SMYD2: variants seen among roughly 807,000 people sequenced by gnomAD.
SMYD2 encodes the protein N-lysine methyltransferase SMYD2.
In SMYD2, 53 loss-of-function variants were observed where a neutral mutation model predicts 59.1. The observed-to-expected ratio is 0.90, with a 90% CI of 0.72 to 1.13. The LOEUF (loss-of-function observed/expected upper bound fraction) is 1.13, where lower values mean the gene tolerates loss of function less well. Among genes scored for constraint, SMYD2 ranks in the 50% most tolerant of loss-of-function variants. The pLI is 0.00. For synonymous variants in SMYD2, 208 were observed against 198.8 expected (o/e 1.05, Z -0.39); for missense variants, 494 against 544.7 (o/e 0.91, Z 0.93).
chr1:214,288,521 G>A (rs577064333), intron 1 of SMYD2, among the ~76,000 whole-genome samples: 164 of 152,284 alleles, frequency 1.1e-3, no homozygotes, highest in Middle Eastern at 3.4e-3. Context: ...CATTACTACT[G>A]TGTGGTTCCC....
chr1:214,329,746 C>T (rs1346486774), intron 7 of SMYD2, among the ~76,000 whole-genome samples: 1 of 152,198 alleles, frequency 6.6e-6, no homozygotes, highest in Non-Finnish European at 1.5e-5. Flanking sequence ...TGTGCGTGCT[C>T]ATGCCCTCCC....
At chr1:214,327,910 C>T (rs1657289204) in intron 7 of SMYD2, among the ~76,000 whole-genome samples, 186 bp downstream of exon 7, 3 of 152,146 alleles carry the variant, frequency 2.0e-5, no homozygotes, top group Admixed American at 2.0e-4. Context: ...GTTTAGATTC[C>T]CACACTTTGG....
At position 214,286,207 on chromosome 1, in the gene SMYD2, C is replaced by T. The variant is rs77724340; in HGVS notation, c.173+4780C>T. Among the ~76,000 whole-genome samples, 443 of 152,260 alleles carry T rather than the reference C, an allele frequency of 2.9e-3. 1 individual carries two copies. The highest frequency in any genetic ancestry group is 8.8e-3 in the African/African-American group (366 of 41,550). On this transcript the variant is annotated intron_variant, in intron 1 of 11. Transcript: ENST00000366957. ...AAAATGTGCGTACTAATGCCAGTGC[C>T]GTTAATCCCAGGACTTGGTAGGCTG...
At chr1:214,301,985 C>T (rs770368324) in intron 1 of SMYD2, among the ~76,000 whole-genome samples, 3 of 152,132 alleles carry the variant, frequency 2.0e-5, no homozygotes, top group Non-Finnish European at 4.4e-5. Flanking sequence ...TTCATTACTG[C>T]GTCGTCAGGG....
chr1:214,301,822 C>T lies in SMYD2; in HGVS notation c.174-3365C>T, dbSNP rs377063874. 2.0e-4 allele frequency among the ~76,000 whole-genome samples: 29 copies of T among 148,410 alleles called. No homozygotes were observed. In the South Asian group the frequency reaches 6.1e-3, roughly 31 times the overall value. ...TTTTCCAAGAAGAAAGTGGCTAGTT[C>T]AGTTTACAATGCCAGTGATCACACC... is the stretch of plus-strand genomic sequence containing the variant. On this transcript the variant is annotated intron_variant, in intron 1 of 11. Transcript: ENST00000366957.
chr1:214,319,784 A>C (rs1657141275), intron 5 of SMYD2, among the ~76,000 whole-genome samples: 1 of 152,200 alleles, frequency 6.6e-6, no homozygotes, highest in South Asian at 2.1e-4. Context: ...CATCTAGTTT[A>C]AAGTGACCTT....
At chr1:214,314,600 A>G (rs1019003677) in intron 2 of SMYD2, among the ~76,000 whole-genome samples, 162 bp from the exon 3 acceptor site, 5 of 152,314 alleles carry the variant, frequency 3.3e-5, no homozygotes, top group Non-Finnish European at 5.9e-5. Context: ...GCCTATCTTA[A>G]AGGATGTTTT....
chr1:214,310,975 C>T (rs781225340), intron 2 of SMYD2, among the ~76,000 whole-genome samples: 4 of 152,084 alleles, frequency 2.6e-5, no homozygotes, highest in South Asian at 2.1e-4. Context: ...CTCCGTTAAT[C>T]CACCTTCAAA....
At chr1:214,319,082 A>T in intron 5 of SMYD2, 99 bp downstream of exon 5, 1 of 1,443,630 alleles carries the variant, frequency 6.9e-7, no homozygotes, top group South Asian at 1.3e-5. Context: ...AAATAGAATG[A>T]TGGCATCTTC....
intron 2 of SMYD2, 80 bp downstream of exon 2, chr1:214,305,330 C>T: frequency 7.6e-7 from 1 of 1,309,166 alleles, no homozygotes; most frequent in Non-Finnish European, 1.1e-6. Flanking sequence ...TCCTCAGCGC[C>T]CTCCTGGAGC....
At chr1:214,305,097 C>A in intron 1 of SMYD2, 90 bp from the exon 2 acceptor site, 2 of 1,268,134 alleles carry the variant, frequency 1.6e-6, no homozygotes, top group Non-Finnish European at 2.3e-6. Context: ...CTCTGCTTTC[C>A]AACCAAGTGG....
At chr1:214,281,934 C>T (rs188066042) in intron 1 of SMYD2, among the ~76,000 whole-genome samples, 2 of 152,312 alleles carry the variant, frequency 1.3e-5, no homozygotes, top group East Asian at 3.9e-4. Flanking sequence ...TTGTAAAGTA[C>T]GCTTACATGT....
intron 1 of SMYD2, among the ~76,000 whole-genome samples, chr1:214,295,888 G>A (rs543587027): frequency 7.9e-5 from 12 of 152,108 alleles, no homozygotes; most frequent in Non-Finnish European, 1.2e-4. Flanking sequence ...AACCACCCTC[G>A]CTGGGTGGGA....
chr1:214,311,969 CTCTG>C (rs759844125), intron 2 of SMYD2, among the ~76,000 whole-genome samples: 10 of 152,160 alleles, frequency 6.6e-5, no homozygotes, highest in Non-Finnish European at 1.2e-4. Context: ...CGAGGGTCAT[CTCTG>C]TCTTTTCCTC....
chr1:214,320,622 T>C (rs1657158122), intron 5 of SMYD2, among the ~76,000 whole-genome samples: 1 of 152,170 alleles, frequency 6.6e-6, no homozygotes, highest in Non-Finnish European at 1.5e-5. Flanking sequence ...AGAGACCCTG[T>C]CTATAAAGAA....
chr1:214,293,144 C>G (rs904605098), intron 1 of SMYD2, among the ~76,000 whole-genome samples: 3 of 151,920 alleles, frequency 2.0e-5, no homozygotes, highest in African/African-American at 7.3e-5. Context: ...CCTCCGCCTC[C>G]CAGGTCCAAG....
chr1:214,294,164 G>C (rs1480089698), intron 1 of SMYD2, among the ~76,000 whole-genome samples: 1 of 152,180 alleles, frequency 6.6e-6, no homozygotes, highest in African/African-American at 2.4e-5. Context: ...AATACAAATG[G>C]AATCAATAAG....
At chr1:214,299,627 T>C (rs933411440) in intron 1 of SMYD2, among the ~76,000 whole-genome samples, 5 of 151,990 alleles carry the variant, frequency 3.3e-5, no homozygotes, top group African/African-American at 1.2e-4. Context: ...GTTGTTGTTG[T>C]TGAGACAGAC....
Position 214,318,248 on chromosome 1 carries a change from T to TCACTACTCC in SMYD2, c.409+109_409+110insCACTACTCC. On this transcript the variant is annotated intron_variant, in intron 4 of 11. Coordinates refer to ENST00000366957, the MANE Select transcript of SMYD2 (RefSeq NM_020197.3). This position sits in a 1 kb window ranked among gnomAD's most constrained non-coding sequence, Gnocchi z 5.4. ...AGTTTGTGCTCAGAGGAGTAGTGAT[T>TCACTACTCC]TCTTTGATTACTAGTTTTTATTTTT... The TCACTACTCC allele has an allele frequency of 1.0e-6, 1 of 980,612 alleles. No homozygotes were observed. Among genetic ancestry groups the TCACTACTCC allele is most frequent in the Non-Finnish European group, 1.5e-6 (1 of 655,930 alleles). 60.7% of individuals were successfully genotyped at this position (980,612 alleles called of 1,614,324 possible).
Sources: allele counts gnomAD v4.1 joint callset (sites outside exome capture counted in the v4.1 genomes callset), GRCh38; gene constraint gnomAD v4.1.1; non-coding constraint Gnocchi (gnomAD v3.1); transcripts MANE v1.5; gene names NCBI Gene and HGNC (gene_info 2026-07-23, HGNC 2026-07-21).